Variants in CENPP observed in about 807,000 individuals in gnomAD.
CENPP encodes centromere protein P.
Under a neutral mutation model 35.6 loss-of-function variants are expected in CENPP, and 24 were observed. That is an observed-to-expected ratio of 0.67 (90% CI 0.49 to 0.95). The LOEUF (loss-of-function observed/expected upper bound fraction) is 0.95. CENPP is among the 40% of genes least tolerant of loss of function. The pLI is 0.00. For missense variants in CENPP, 332 were observed against 345.3 expected (o/e 0.96, Z 0.31); for synonymous variants, 120 against 125.5 (o/e 0.96, Z 0.29).
At position 92,613,304 on chromosome 9, in the gene CENPP, TG is replaced by T; in HGVS notation, c.*156del. 1 of 776,624 alleles carries T rather than the reference TG, an allele frequency of 1.3e-6. No homozygotes were observed. Among genetic ancestry groups the T allele is most frequent in the Non-Finnish European group, 2.0e-6 (1 of 490,168 alleles). 48.1% of individuals were successfully genotyped at this position (776,624 alleles called of 1,614,324 possible). ...ACATTATATGGAAACTCTCATGACA[TG>T]AAAAATAAATACAACTAGTTAAGTA... On this transcript the variant is annotated 3_prime_UTR_variant, in exon 8 of 8. Transcript: ENST00000375587.
At chr9:92,365,433 CAG>C (rs1841863705) in intron 4 of CENPP, among the ~76,000 whole-genome samples, 1 of 112,160 alleles carries the variant, frequency 8.9e-6, no homozygotes, top group Non-Finnish European at 1.7e-5. Flanking sequence ...TTTTTTGAGA[CAG>C]AGTCTCGTGC....
chr9:92,467,519 C>A (rs1293162050), intron 5 of CENPP, among the ~76,000 whole-genome samples: 1 of 152,200 alleles, frequency 6.6e-6, no homozygotes, highest in Admixed American at 6.5e-5. Context: ...TCTTCAGGAC[C>A]TTTTTGTCCC....
At chr9:92,466,658 A>G in intron 5 of CENPP, 1 of 1,186,666 alleles carries the variant, frequency 8.4e-7, no homozygotes, top group Non-Finnish European at 1.2e-6. Flanking sequence ...GATGGAAATC[A>G]GTACAATTTA....
intron 5 of CENPP, chr9:92,610,618 A>G (rs1264873770): frequency 6.6e-6 from 1 of 152,186 alleles, no homozygotes; most frequent in African/African-American, 2.4e-5. Context: ...ATTCCACTTG[A>G]TTTCCCTGCT....
intron 5 of CENPP, among the ~76,000 whole-genome samples, chr9:92,584,970 A>G (rs1850507768): frequency 6.6e-6 from 1 of 152,264 alleles, no homozygotes; most frequent in Non-Finnish European, 1.5e-5. Context: ...CATGTTATAT[A>G]GTTGTTTCAG....
intron 5 of CENPP, among the ~76,000 whole-genome samples, chr9:92,498,309 C>T (rs542695528): frequency 4.0e-5 from 6 of 151,854 alleles, no homozygotes; most frequent in African/African-American, 1.4e-4. Flanking sequence ...CAATCATAGA[C>T]GTTGGGGGAG....
At chr9:92,599,574 G>T (rs1369624722) in intron 5 of CENPP, among the ~76,000 whole-genome samples, 1 of 151,922 alleles carries the variant, frequency 6.6e-6, no homozygotes, top group Non-Finnish European at 1.5e-5. Context: ...CCACCACCAC[G>T]CCTGGCTAAT....
chr9:92,487,968 G>T (rs929149458), intron 5 of CENPP, among the ~76,000 whole-genome samples: 4 of 152,200 alleles, frequency 2.6e-5, no homozygotes, highest in African/African-American at 9.7e-5. Context: ...GAGCTAGTCA[G>T]CACTTTATTA....
chr9:92,524,150 C>T (rs906748929), intron 5 of CENPP, among the ~76,000 whole-genome samples: 4 of 152,114 alleles, frequency 2.6e-5, no homozygotes, highest in African/African-American at 7.2e-5. Flanking sequence ...TTTTCCCAGC[C>T]GTTTTCTGTT....
chr9:92,474,491 C>A, intron 5 of CENPP: 1 of 1,312,112 alleles, frequency 7.6e-7, no homozygotes. Context: ...GCTGTACTTT[C>A]CACCTAAAAA....
At chr9:92,415,941 A>C (rs190236194) in intron 5 of CENPP, among the ~76,000 whole-genome samples, 5 of 145,366 alleles carry the variant, frequency 3.4e-5, no homozygotes, top group African/African-American at 1.2e-4. Context: ...AAAGTGAGTA[A>C]ACTCAGAATA....
intron 5 of CENPP, among the ~76,000 whole-genome samples, chr9:92,588,311 C>T (rs1850587935): frequency 6.6e-6 from 1 of 151,446 alleles, no homozygotes; most frequent in Non-Finnish European, 1.5e-5. Flanking sequence ...TGCAGTGGCG[C>T]GATCTCGGCT....
At chr9:92,475,584 C>A (rs1427841773) in intron 5 of CENPP, among the ~76,000 whole-genome samples, 1 of 152,132 alleles carries the variant, frequency 6.6e-6, no homozygotes, top group Non-Finnish European at 1.5e-5. Context: ...TCTGTATTCC[C>A]AAAATCTTTC....
chr9:92,507,351 T>C (rs903558202), intron 5 of CENPP, among the ~76,000 whole-genome samples: 12 of 152,182 alleles, frequency 7.9e-5, no homozygotes, highest in African/African-American at 2.7e-4. Flanking sequence ...TGAAATGCAG[T>C]GGAAGTTTTT....
At position 92,618,244 on chromosome 9, in the gene CENPP, T is replaced by G. The variant is rs1332217223; in HGVS notation, c.*5095T>G. 4.4e-6 allele frequency: 2 copies of G among 456,558 alleles called. No individual in the cohort carries two copies. Among genetic ancestry groups the G allele is most frequent in the Admixed American group, 2.3e-5 (1 of 42,558 alleles). 28.3% of individuals were successfully genotyped at this position (456,558 alleles called of 1,614,324 possible). On this transcript the variant is annotated 3_prime_UTR_variant, in exon 8 of 8. Transcript: ENST00000375587. Reference sequence around the variant, plus strand: ...AGTGCTTTGTGCAGGATGGTTCCAGTGCCTACACCCTAGGTCTGAGAAGCC... The same window carrying G: ...AGTGCTTTGTGCAGGATGGTTCCAGGGCCTACACCCTAGGTCTGAGAAGCC...
chr9:92,393,389 C>A, intron 5 of CENPP: 3 of 600,894 alleles, frequency 5.0e-6, no homozygotes, highest in Non-Finnish European at 8.3e-6. Context: ...CATGGTAACT[C>A]GTTACCTATA....
intron 5 of CENPP, among the ~76,000 whole-genome samples, chr9:92,454,262 T>C (rs1034045547): frequency 2.0e-5 from 3 of 152,198 alleles, no homozygotes; most frequent in African/African-American, 7.2e-5. Context: ...TAAACCTCAG[T>C]GAATTAATTG....
chr9:92,570,243 A>G (rs1253887243), intron 5 of CENPP, among the ~76,000 whole-genome samples: 1 of 152,014 alleles, frequency 6.6e-6, no homozygotes, highest in Non-Finnish European at 1.5e-5. Flanking sequence ...TTATTTTGAG[A>G]TATGTCCCAT....
Position 92,611,370 on chromosome 9 carries a change from G to C in CENPP, c.621G>C (p.Gly207=), listed in dbSNP as rs1238753946. 1 of 1,613,378 alleles carries C rather than the reference G, an allele frequency of 6.2e-7. No individual in the cohort carries two copies. The highest frequency in any genetic ancestry group is 2.2e-5 in the East Asian group (1 of 44,834). The change falls in exon 6 of 8, where the codon GGG becomes GGC. Residue 207 remains glycine, a synonymous_variant. Transcript: ENST00000375587. ...AGGGGCCCTCCTCCTGCTCCATGGG[G>C]ATCCGCAGCGCCAGCCGGCCAGGGT... The part of the protein sequence containing the change: ...LSEGPSSCSM[G]IRSASRPGFE...
Sources: gnomAD v4.1 joint callset for allele counts (sites outside exome capture counted in the v4.1 genomes callset) on GRCh38, gnomAD v4.1.1 for gene constraint, MANE v1.5 for transcripts, NCBI Gene and HGNC (gene_info 2026-07-23, HGNC 2026-07-21) for gene names.